Variants in STOX2 observed in about 807,000 individuals in gnomAD.
STOX2 encodes storkhead box 2.
A neutral mutation model predicts 60.9 loss-of-function variants in STOX2; 28 were observed. The ratio of observed to expected loss-of-function variants is 0.46; its 90% CI spans 0.34 to 0.63. STOX2 has a LOEUF of 0.63. Ranked by LOEUF, STOX2 falls within the 30% of genes least tolerant of loss-of-function variation. The probability of loss-of-function intolerance (pLI) is 0.01; values close to 1 mark genes in which losing one functional copy is unlikely to be tolerated. For missense variants in STOX2, 1,024 were observed against 1,187.7 expected (o/e 0.86, Z 2.03); for synonymous variants, 472 against 463.9 (o/e 1.02, Z -0.22).
intron 1 of STOX2, among the ~76,000 whole-genome samples, chr4:183,803,303 T>C (rs980212950): frequency 1.1e-4 from 16 of 152,114 alleles, no homozygotes; most frequent in African/African-American, 3.9e-4. Context: ...TTTGAACTCC[T>C]GGCCTCAAGC....
In STOX2 at chr4:183,856,374, A is replaced by G. The variant is rs980623774; in HGVS notation, c.364+58319A>G. On this transcript the variant is annotated intron_variant, in intron 1 of 2. Transcript: ENST00000513034. This position sits in a 1 kb window ranked among gnomAD's most constrained non-coding sequence, Gnocchi z 4.0. ...AGAACAGACGCAAATACGCACAAAC[A>G]GTTGCAAAGTGAACACTCGGATGAG... Among the ~76,000 whole-genome samples, 7 of 152,338 alleles carry G rather than the reference A, an allele frequency of 4.6e-5. No homozygotes were observed. The highest frequency in any genetic ancestry group is 1.0e-4 in the Non-Finnish European group (7 of 68,040).
chr4:183,819,232 C>T (rs1048684038), intron 1 of STOX2, among the ~76,000 whole-genome samples: 9 of 152,140 alleles, frequency 5.9e-5, no homozygotes, highest in South Asian at 4.2e-4. Flanking sequence ...GAGATCACGC[C>T]GCTGCACTCC....
At chr4:183,845,360 T>C (rs543202928) in intron 1 of STOX2, among the ~76,000 whole-genome samples, 1 of 152,222 alleles carries the variant, frequency 6.6e-6, no homozygotes, top group Admixed American at 6.5e-5. Flanking sequence ...ATGGGAAGAA[T>C]GGAAATAGGA....
chr4:183,815,995 G>A (rs1739145413), intron 1 of STOX2, among the ~76,000 whole-genome samples: 1 of 152,176 alleles, frequency 6.6e-6, no homozygotes, highest in South Asian at 2.1e-4. Flanking sequence ...TTAGCATCCA[G>A]TGTCCAACAG....
At chr4:183,897,493 G>A (rs952162032) in intron 1 of STOX2, among the ~76,000 whole-genome samples, 3 of 152,166 alleles carry the variant, frequency 2.0e-5, no homozygotes, top group Non-Finnish European at 4.4e-5. Flanking sequence ...GCTTTAAAAA[G>A]GGGACTGCAA....
intron 1 of STOX2, among the ~76,000 whole-genome samples, chr4:183,994,474 G>A (rs1345200687): frequency 6.6e-6 from 1 of 152,112 alleles, no homozygotes; most frequent in Non-Finnish European, 1.5e-5. Context: ...GAAAATTAAA[G>A]CCCAACTTTT....
At chr4:183,945,545 G>A (rs557372888) in intron 1 of STOX2, among the ~76,000 whole-genome samples, 1 of 152,300 alleles carries the variant, frequency 6.6e-6, no homozygotes, top group African/African-American at 2.4e-5. Flanking sequence ...CTGGGTACAG[G>A]TTACTATGAA....
At chr4:183,822,046 G>T (rs1426802867) in intron 1 of STOX2, among the ~76,000 whole-genome samples, 11 of 152,214 alleles carry the variant, frequency 7.2e-5, no homozygotes, top group Admixed American at 6.5e-4. Context: ...CCTGGGCAGG[G>T]TGCTCTGCAA....
intron 1 of STOX2, among the ~76,000 whole-genome samples, chr4:183,944,380 C>T (rs996851585): frequency 6.6e-6 from 1 of 152,188 alleles, no homozygotes; most frequent in Non-Finnish European, 1.5e-5. Flanking sequence ...CATTAAGACC[C>T]TGTCATTGCT....
chr4:183,846,399 C>T (rs772859641), intron 1 of STOX2, among the ~76,000 whole-genome samples: 1 of 152,106 alleles, frequency 6.6e-6, no homozygotes, highest in South Asian at 2.1e-4. Flanking sequence ...TGGAACATCA[C>T]GTTGGTGTGC....
At chr4:183,914,828 G>A (rs115453468) in intron 1 of STOX2, among the ~76,000 whole-genome samples, 2,088 of 152,234 alleles carry the variant, frequency 0.014, 55 homozygotes, top group African/African-American at 0.047. Flanking sequence ...CCGCTTTCCT[G>A]TTCCTGAAAG....
chr4:183,888,561 G>A (rs1417077397), intron 1 of STOX2, among the ~76,000 whole-genome samples: 3 of 152,194 alleles, frequency 2.0e-5, no homozygotes, highest in Non-Finnish European at 4.4e-5. Context: ...GCCTTTGCAA[G>A]TGAGGGCTCG....
chr4:183,907,626 T>C (rs1265977000), intron 1 of STOX2, among the ~76,000 whole-genome samples: 1 of 152,164 alleles, frequency 6.6e-6, no homozygotes, highest in African/African-American at 2.4e-5. Flanking sequence ...AACAAAACGG[T>C]AAATGGAAAG....
chr4:183,802,901 G>T (rs13131952), intron 1 of STOX2, among the ~76,000 whole-genome samples: 2 of 152,060 alleles, frequency 1.3e-5, no homozygotes, highest in Non-Finnish European at 2.9e-5. Flanking sequence ...GGTTACAGGC[G>T]TGAGCCACCG....
chr4:183,829,135 GCTCTTTTCCTATCCAAAGAAAGT>G (rs1338050716), intron 1 of STOX2, among the ~76,000 whole-genome samples: 4 of 152,150 alleles, frequency 2.6e-5, no homozygotes, highest in African/African-American at 9.7e-5. Flanking sequence ...ATAAACTTTT[GCTCTTTTCCTATCCAAAGAAAGT>G]GGTCTTTTGT....
intron 1 of STOX2, among the ~76,000 whole-genome samples, chr4:183,954,171 T>C (rs184102407): frequency 6.6e-6 from 1 of 152,346 alleles, no homozygotes; most frequent in East Asian, 1.9e-4. Context: ...CACTGCACCG[T>C]GGAGCACTTC....
At chr4:183,946,608 A>C (rs1293682276) in intron 1 of STOX2, among the ~76,000 whole-genome samples, 1 of 147,316 alleles carries the variant, frequency 6.8e-6, no homozygotes, top group Non-Finnish European at 1.5e-5. Context: ...ATAACGTAAC[A>C]ACTATTTACA....
At chr4:184,007,033 C>CAAAAA (rs869258990) in intron 2 of STOX2, among the ~76,000 whole-genome samples, 934 of 67,056 alleles carry the variant, frequency 0.014, 68 homozygotes, top group African/African-American at 0.035. Flanking sequence ...AAAAAAAAAA[C>CAAAAA]AAAACAAAAA....
At chr4:183,908,078 G>A (rs577730855) in intron 1 of STOX2, among the ~76,000 whole-genome samples, 18 of 152,308 alleles carry the variant, frequency 1.2e-4, no homozygotes, top group South Asian at 6.2e-4. Flanking sequence ...ACTGGGGTCA[G>A]CATCTCATGC....
Sources: gnomAD v4.1 joint callset for allele counts (sites outside exome capture counted in the v4.1 genomes callset) on GRCh38, gnomAD v4.1.1 for gene constraint, Gnocchi (gnomAD v3.1) non-coding constraint, MANE v1.5 for transcripts, NCBI Gene and HGNC (gene_info 2026-07-23, HGNC 2026-07-21) for gene names.